The following TMEFF1 variants were observed in gnomAD, a reference collection of about 807,000 sequenced individuals.
TMEFF1 encodes tomoregulin-1.
In TMEFF1, 20 loss-of-function variants were observed where a neutral mutation model predicts 47.5. That is an observed-to-expected ratio of 0.42 (90% CI 0.30 to 0.61). The LOEUF (loss-of-function observed/expected upper bound fraction) is 0.61. Among genes scored for constraint, TMEFF1 ranks in the 20% least tolerant of loss-of-function variants. TMEFF1 has a pLI of 0.19. For missense variants in TMEFF1, 411 were observed against 471.1 expected (o/e 0.87, Z 1.18); for synonymous variants, 162 against 166.3 (o/e 0.97, Z 0.20).
At chr9:100,552,863 G>A (rs72735165) in intron 7 of TMEFF1, among the ~76,000 whole-genome samples, 28,264 of 133,578 alleles carry the variant, frequency 0.21, 2,942 homozygotes, top group South Asian at 0.35. Flanking sequence ...CACTGTTTTG[G>A]AAAAAAAAAA....
At chr9:100,491,099 T>C (rs944366969) in intron 1 of TMEFF1, among the ~76,000 whole-genome samples, 8 of 152,180 alleles carry the variant, frequency 5.3e-5, no homozygotes, top group African/African-American at 1.4e-4. Context: ...TTCTATAATA[T>C]ACATCTTTAA....
intron 7 of TMEFF1, among the ~76,000 whole-genome samples, chr9:100,560,550 G>T (rs1838997055): frequency 6.6e-6 from 1 of 152,150 alleles, no homozygotes; most frequent in Non-Finnish European, 1.5e-5. Context: ...GTGTGCATAT[G>T]TGAGTGTGTG....
At chr9:100,527,622 GCAGTCTGAGATCAAA>G (rs1838288257) in intron 5 of TMEFF1, among the ~76,000 whole-genome samples, 1 of 152,186 alleles carries the variant, frequency 6.6e-6, no homozygotes. Flanking sequence ...GGCTAGCACA[GCAGTCTGAGATCAAA>G]CTGCAAGGCG....
intron 7 of TMEFF1, among the ~76,000 whole-genome samples, chr9:100,556,553 C>T (rs985848775): frequency 6.6e-6 from 1 of 152,070 alleles, no homozygotes; most frequent in Non-Finnish European, 1.5e-5. Context: ...AAGTCTACAC[C>T]AAGTTGAAGC....
At chr9:100,506,175 T>C (rs939531450) in intron 2 of TMEFF1, among the ~76,000 whole-genome samples, 1 of 152,176 alleles carries the variant, frequency 6.6e-6, no homozygotes, top group Non-Finnish European at 1.5e-5. Flanking sequence ...TATGTATGCT[T>C]CATAAAGTAA....
At chr9:100,512,264 T>G (rs905486937) in intron 3 of TMEFF1, among the ~76,000 whole-genome samples, 1 of 152,220 alleles carries the variant, frequency 6.6e-6, no homozygotes, top group African/African-American at 2.4e-5. Flanking sequence ...TTAATCAAAA[T>G]TGAACATAAT....
At chr9:100,549,861 G>A (rs538913777) in intron 6 of TMEFF1, among the ~76,000 whole-genome samples, 2 of 152,206 alleles carry the variant, frequency 1.3e-5, no homozygotes, top group African/African-American at 4.8e-5. Flanking sequence ...GGCGACATTG[G>A]AGCTGAAGTA....
chr9:100,476,296 G>T (rs1837226966), intron 1 of TMEFF1, among the ~76,000 whole-genome samples: 1 of 152,104 alleles, frequency 6.6e-6, no homozygotes, highest in Non-Finnish European at 1.5e-5. Flanking sequence ...TGTTAATACA[G>T]TCTGGACACA....
At chr9:100,540,065 C>T (rs976374218) in intron 5 of TMEFF1, among the ~76,000 whole-genome samples, 1 of 152,090 alleles carries the variant, frequency 6.6e-6, no homozygotes, top group African/African-American at 2.4e-5. Flanking sequence ...CTGATTGGTG[C>T]GTTTACAAAC....
intron 2 of TMEFF1, among the ~76,000 whole-genome samples, chr9:100,501,566 C>T (rs1429411787): frequency 2.0e-5 from 3 of 152,078 alleles, no homozygotes; most frequent in African/African-American, 7.2e-5. Context: ...ATATTGCTTA[C>T]TATGCTGAGC....
intron 2 of TMEFF1, among the ~76,000 whole-genome samples, chr9:100,501,613 C>T (rs1446767491): frequency 6.6e-6 from 1 of 151,854 alleles, no homozygotes; most frequent in Non-Finnish European, 1.5e-5. Flanking sequence ...CTCAAGAGAA[C>T]CTGCTGCTTT....
intron 5 of TMEFF1, among the ~76,000 whole-genome samples, chr9:100,526,560 A>G (rs1035563535): frequency 6.6e-6 from 1 of 151,554 alleles, no homozygotes; most frequent in African/African-American, 2.4e-5. Context: ...TTTTCAGAGT[A>G]CTCATTTTTA....
At chr9:100,478,512 G>A (rs973059263) in intron 1 of TMEFF1, among the ~76,000 whole-genome samples, 3 of 152,130 alleles carry the variant, frequency 2.0e-5, no homozygotes, top group African/African-American at 7.2e-5. Context: ...ACAGGGCTTC[G>A]CCATGATGCC....
intron 1 of TMEFF1, among the ~76,000 whole-genome samples, chr9:100,480,411 CGAT>C (rs1837318950): frequency 6.6e-6 from 1 of 151,944 alleles, no homozygotes; most frequent in Admixed American, 6.6e-5. Flanking sequence ...TTACTCAAAT[CGAT>C]GAAATATGAA....
intron 9 of TMEFF1, among the ~76,000 whole-genome samples, chr9:100,575,409 A>G (rs1839332705): frequency 1.3e-5 from 2 of 152,200 alleles, no homozygotes; most frequent in African/African-American, 4.8e-5. Flanking sequence ...GCACTAGGAA[A>G]TTGGAATTTT....
rs930771215 is a variant in TMEFF1 at position 100,473,344 on chromosome 9, G to T, written c.-201G>T. 3.8e-6 allele frequency: 1 copy of T among 264,552 alleles called. No individual in the cohort carries two copies. Among genetic ancestry groups the T allele is most frequent in the Admixed American group, 5.7e-5 (1 of 17,632 alleles). 16.4% of individuals were successfully genotyped at this position (264,552 alleles called of 1,614,324 possible). On this transcript the variant is annotated 5_prime_UTR_variant, in exon 1 of 10. Transcript: ENST00000374879. The surrounding 1 kb of genome is among the most constrained non-coding windows in gnomAD (Gnocchi z 5.4). ...GCGCCCGCGACCCTCGCACGCGCCC[G>T]GACCCGCCGACTCCGTCCCGAGCGC...
Position 100,534,674 on chromosome 9 carries a change from T to C in TMEFF1, c.561-13070T>C, listed in dbSNP as rs541498224. Among the ~76,000 whole-genome samples, 4 of 152,334 alleles carry C rather than the reference T, an allele frequency of 2.6e-5. No homozygotes were observed. In the East Asian group the frequency reaches 7.7e-4, roughly 29 times the overall value. ...TGTATGCCATTGAAAACAGTAGTGA[T>C]TGTTTTCACTGTTGTTAGTCTTAGA... On this transcript the variant is annotated intron_variant, in intron 5 of 9. Transcript: ENST00000374879.
chr9:100,498,827 G>A lies in TMEFF1; in HGVS notation c.259G>A (p.Val87Ile), dbSNP rs192720132. Residue 87 changes from valine to isoleucine, a missense_variant, in exon 2 of 10, where the codon GTC (valine) becomes ATC (isoleucine). Physicochemically the swap from Val to Ile is conservative, Grantham distance 29 (BLOSUM62 3). Transcript: ENST00000374879. ...TGAGTCATCATGTAAATATGGAGGA[G>A]TCTGTAAAGAAGATGGAGATGGTTT... ...CDESSCKYGGVCKEDGDGLKC... is the reference protein window; with the variant it reads ...CDESSCKYGGICKEDGDGLKC... 31 of 1,613,994 alleles carry A rather than the reference G, an allele frequency of 1.9e-5. No individual in the cohort carries two copies. Among genetic ancestry groups the A allele is most frequent in the Admixed American group, 1.3e-4 (8 of 60,006 alleles).
At chr9:100,561,837 A>G (rs1839022380) in intron 8 of TMEFF1, among the ~76,000 whole-genome samples, 1 of 152,226 alleles carries the variant, frequency 6.6e-6, no homozygotes, top group African/African-American at 2.4e-5. Context: ...CTGAGGGACT[A>G]AAGACTGTAT....
Sources: allele counts gnomAD v4.1 joint callset (sites outside exome capture counted in the v4.1 genomes callset), GRCh38; gene constraint gnomAD v4.1.1; non-coding constraint Gnocchi (gnomAD v3.1); transcripts MANE v1.5; gene names NCBI Gene and HGNC (gene_info 2026-07-23, HGNC 2026-07-21).